Variants in TLL2 observed in about 807,000 individuals in gnomAD.
The protein encoded by TLL2 is tolloid-like protein 2.
In TLL2, 106 loss-of-function variants were observed where a neutral mutation model predicts 123.0. The observed-to-expected ratio is 0.86, with a 90% confidence interval of 0.74 to 1.01. The LOEUF is 1.01. Among genes scored for constraint, TLL2 ranks in the 50% least tolerant of loss-of-function variants. The probability of loss-of-function intolerance (pLI) is 0.00; values close to 1 mark genes in which losing one functional copy is unlikely to be tolerated. For synonymous variants in TLL2, 494 were observed against 516.8 expected (o/e 0.96, Z 0.60); for missense variants, 1,332 against 1,336.7 (o/e 1.00, Z 0.06).
chr10:96,372,874 G>A (rs1846097037), intron 19 of TLL2, among the ~76,000 whole-genome samples: 2 of 152,072 alleles, frequency 1.3e-5, no homozygotes, highest in African/African-American at 4.8e-5. Flanking sequence ...TGTAGAGATC[G>A]GGGGGTGGTC....
At chr10:96,495,298 A>G (rs749958388) in intron 1 of TLL2, among the ~76,000 whole-genome samples, 20 of 152,184 alleles carry the variant, frequency 1.3e-4, no homozygotes, top group Admixed American at 1.1e-3. Context: ...AGATGCATTT[A>G]GTTCATTGCA....
intron 2 of TLL2, among the ~76,000 whole-genome samples, chr10:96,454,991 T>A (rs1010894132): frequency 6.6e-6 from 1 of 152,196 alleles, no homozygotes; most frequent in Non-Finnish European, 1.5e-5. Flanking sequence ...GGCATCCCAC[T>A]GTTCCCCAGG....
At chr10:96,505,400 A>T (rs572276256) in intron 1 of TLL2, among the ~76,000 whole-genome samples, 3 of 152,220 alleles carry the variant, frequency 2.0e-5, no homozygotes, top group Non-Finnish European at 4.4e-5. Flanking sequence ...GGTTGTTCAG[A>T]TATTTAGTTT....
chr10:96,497,478 C>T (rs908681303), intron 1 of TLL2, among the ~76,000 whole-genome samples: 2 of 152,174 alleles, frequency 1.3e-5, no homozygotes, highest in Non-Finnish European at 1.5e-5. Context: ...AGTTTCCCCT[C>T]GGGTTTCCTC....
intron 2 of TLL2, among the ~76,000 whole-genome samples, chr10:96,454,828 G>T (rs1489387647): frequency 6.6e-6 from 1 of 152,182 alleles, no homozygotes. Flanking sequence ...CTGTTCTGAA[G>T]TCTGAAGGAG....
At chr10:96,466,265 G>C (rs188170593) in intron 2 of TLL2, among the ~76,000 whole-genome samples, 9 of 152,300 alleles carry the variant, frequency 5.9e-5, no homozygotes, top group African/African-American at 1.2e-4. Flanking sequence ...GGCAAACAAG[G>C]CTCCTTAAAG....
chr10:96,444,980 C>G (rs927491929), intron 3 of TLL2, among the ~76,000 whole-genome samples: 10 of 152,106 alleles, frequency 6.6e-5, no homozygotes, highest in South Asian at 2.1e-4. Context: ...ACGAGGTCAG[C>G]AGACCGAGAC....
At chr10:96,434,216 A>G (rs546093042) in intron 3 of TLL2, among the ~76,000 whole-genome samples, 1 of 152,068 alleles carries the variant, frequency 6.6e-6, no homozygotes, top group Non-Finnish European at 1.5e-5. Flanking sequence ...CACACACCCT[A>G]TTTAGCCTTT....
chr10:96,438,160 T>C (rs913559511), intron 3 of TLL2, among the ~76,000 whole-genome samples: 3 of 152,214 alleles, frequency 2.0e-5, no homozygotes, highest in Non-Finnish European at 2.9e-5. Flanking sequence ...AAAAACCATG[T>C]TGAGATAGAA....
intron 1 of TLL2, among the ~76,000 whole-genome samples, chr10:96,512,420 C>A (rs1218558852): frequency 2.6e-5 from 4 of 152,230 alleles, no homozygotes; most frequent in Non-Finnish European, 5.9e-5. Context: ...GTTTCCAGGG[C>A]GTGAAGGGGC....
chr10:96,422,440 C>T, intron 6 of TLL2, 109 bp downstream of exon 6: 1 of 1,257,134 alleles, frequency 8.0e-7, no homozygotes, highest in Non-Finnish European at 1.1e-6. Context: ...CCATATTCAG[C>T]AGTTAGCATT....
At chr10:96,384,841 T>A in intron 15 of TLL2, 74 bp from the exon 16 acceptor site, 2 of 1,415,486 alleles carry the variant, frequency 1.4e-6, no homozygotes, top group South Asian at 1.5e-5. Flanking sequence ...CTGCTGCACC[T>A]GCTTCCTGAG....
intron 19 of TLL2, among the ~76,000 whole-genome samples, chr10:96,372,666 A>G (rs902288290): frequency 6.6e-6 from 1 of 152,236 alleles, no homozygotes; most frequent in Admixed American, 6.5e-5. Flanking sequence ...TGGTCCTTAC[A>G]GGGATAAAAG....
intron 2 of TLL2, among the ~76,000 whole-genome samples, chr10:96,474,253 G>A (rs1473092879): frequency 6.6e-6 from 1 of 152,106 alleles, no homozygotes. Context: ...TCCTCCAGCA[G>A]CCCCATGACA....
intron 3 of TLL2, among the ~76,000 whole-genome samples, chr10:96,434,193 T>C (rs1846771718): frequency 6.6e-6 from 1 of 152,208 alleles, no homozygotes; most frequent in African/African-American, 2.4e-5. Context: ...TTTAAAAAAA[T>C]TGAGATAGAA....
rs1846335467 is a variant in TLL2, at chr10:96,395,933, A to G, written c.1472T>C (p.Val491Ala). ...PDDYRPSKEC[V>A]WRITVSEGFH... ...CCCCTCTGAAACCGTAATCCTCCAG[A>G]CACATTCCTTGGAAGGTCTGTAGTC... Residue 491 changes from valine (V) to alanine (A), a missense_variant, in exon 12 of 21, where the codon GTC becomes GCC. Physicochemically the swap from Val to Ala is moderately conservative, Grantham distance 64. Coordinates refer to ENST00000357947, the MANE Select transcript of TLL2 (RefSeq NM_012465.4). The G allele has an allele frequency of 6.2e-7, 1 of 1,614,244 alleles. No homozygotes were observed. Among genetic ancestry groups the G allele is most frequent in the Non-Finnish European group, 8.5e-7 (1 of 1,180,046 alleles).
At chr10:96,459,921 A>G (rs535014946) in intron 2 of TLL2, among the ~76,000 whole-genome samples, 69 of 151,496 alleles carry the variant, frequency 4.6e-4, no homozygotes, top group African/African-American at 1.5e-3. Context: ...ATTGAAAGAA[A>G]GTATAAGAAA....
chr10:96,407,746 C>T (rs1280529088), intron 9 of TLL2, among the ~76,000 whole-genome samples: 1 of 152,178 alleles, frequency 6.6e-6, no homozygotes, highest in Non-Finnish European at 1.5e-5. Flanking sequence ...CAAAGCCCTG[C>T]GATCTCCTAG....
rs549638868 is a variant in TLL2 at position 96,407,591 on chromosome 10, T to C, written c.1165-2257A>G. Reference sequence around the variant, plus strand: ...AATAGCAACTTAAAATACCAGGTAGTCCACATTGAGTGTACACTTAGCATA... The same window carrying C: ...AATAGCAACTTAAAATACCAGGTAGCCCACATTGAGTGTACACTTAGCATA... On this transcript the variant is annotated intron_variant, in intron 9 of 20. Coordinates refer to ENST00000357947, the MANE Select transcript of TLL2 (RefSeq NM_012465.4). Among the ~76,000 whole-genome samples, 5 of 152,330 alleles carry C rather than the reference T, an allele frequency of 3.3e-5. No individual in the cohort carries two copies. In the South Asian group the frequency reaches 1.0e-3, roughly 32 times the overall value.
Sources: gnomAD v4.1 joint callset for allele counts (sites outside exome capture counted in the v4.1 genomes callset) on GRCh38, gnomAD v4.1.1 for gene constraint, MANE v1.5 for transcripts, NCBI Gene and HGNC (gene_info 2026-07-23, HGNC 2026-07-21) for gene names.